Variants in COG4 observed in about 807,000 individuals in gnomAD.
COG4 encodes the protein component of oligomeric golgi complex 4.
In COG4, 65 loss-of-function variants were observed where a neutral mutation model predicts 95.1. The ratio of observed to expected loss-of-function variants is 0.68; its 90% CI spans 0.56 to 0.84. COG4 has a LOEUF of 0.84. COG4 is among the 40% of genes least tolerant of loss of function. COG4 has a pLI of 0.00. For synonymous variants in COG4, 421 were observed against 374.8 expected (o/e 1.12, Z -1.42); for missense variants, 1,045 against 989.1 (o/e 1.06, Z -0.76).
In COG4 at chr16:70,497,263, G is replaced by T; in HGVS notation, c.1439C>A (p.Ala480Asp). The T allele has an allele frequency of 6.2e-7, 1 of 1,614,122 alleles. No homozygotes were observed. Among genetic ancestry groups the T allele is most frequent in the Non-Finnish European group, 8.5e-7 (1 of 1,180,022 alleles). The change falls in exon 11 of 19, where the codon GCC becomes GAC. Residue 480 changes from alanine (A) to aspartate (D), a missense_variant. Transcript: ENST00000323786. ...LSSSSIDCLCAMINLATTELE... is the reference protein window; with the variant it reads ...LSSSSIDCLCDMINLATTELE... ...CTCTGTGGTGGCGAGGTTGATCATGGCACAGAGACAGTCAATGCTGGAGCT... is the reference window on the plus strand; with the variant it reads ...CTCTGTGGTGGCGAGGTTGATCATGTCACAGAGACAGTCAATGCTGGAGCT...
intron 4 of COG4, 30 bp from the exon 5 acceptor site, chr16:70,512,462 A>C (rs1288352405): frequency 2.5e-6 from 4 of 1,578,438 alleles, no homozygotes; most frequent in Non-Finnish European, 1.7e-6. Context: ...TGAAAATTCA[A>C]GTAAAGAATA....
At chr16:70,508,340 C>T in intron 8 of COG4, 66 bp downstream of exon 8, 1 of 1,324,418 alleles carries the variant, frequency 7.6e-7, no homozygotes, top group Non-Finnish European at 1.1e-6. Context: ...ACAGAGTAGT[C>T]TGAATTATAT....
chr16:70,503,840 C>T (rs1378558708), intron 8 of COG4, among the ~76,000 whole-genome samples: 4 of 122,808 alleles, frequency 3.3e-5, no homozygotes, highest in East Asian at 1.9e-4. Flanking sequence ...GTGATCCGCC[C>T]GCCTCGGCCT....
chr16:70,488,522 T>C (rs567341164), intron 13 of COG4, among the ~76,000 whole-genome samples: 12 of 152,060 alleles, frequency 7.9e-5, no homozygotes, highest in Non-Finnish European at 1.5e-4. Context: ...GGGTCCCAAG[T>C]AGCTGAGACT....
In COG4 at chr16:70,519,652, A is replaced by C; in HGVS notation, c.251T>G (p.Met84Arg). Residue 84 changes from methionine to arginine, a missense_variant, in exon 2 of 19, where the codon ATG (methionine) becomes AGG (arginine). Coordinates refer to ENST00000323786, the MANE Select transcript of COG4 (RefSeq NM_015386.3). ...TTGCTGAGATGCACAGACTCACCCC[A>C]TTCGGTGGAGAGTGACCATCTTACT... ...IESKMVTLHRMGPNLQLIEGD... is the reference protein window; with the variant it reads ...IESKMVTLHRRGPNLQLIEGD... 6.2e-7 allele frequency: 1 copy of C among 1,609,510 alleles called. No individual in the cohort carries two copies. Among genetic ancestry groups the C allele is most frequent in the Non-Finnish European group, 8.5e-7 (1 of 1,175,914 alleles).
chr16:70,482,511 G>C (rs1044649511), intron 15 of COG4: 1 of 625,710 alleles, frequency 1.6e-6, no homozygotes, highest in East Asian at 2.8e-5. Flanking sequence ...TCCAATAAGG[G>C]AATAAGTTAG....
At chr16:70,501,424 G>A (rs528995880) in intron 8 of COG4, 15 of 305,348 alleles carry the variant, frequency 4.9e-5, no homozygotes, top group Admixed American at 1.3e-4. Context: ...CTCGATCTCA[G>A]CTCCCTGCAA....
In COG4 at chr16:70,523,408, G is replaced by A; in HGVS notation, c.136C>T (p.Leu46=). ...LIRSLTELQE[L]EAVYERLCGE... ...CAGAGCCGTTCGTATACAGCCTCCA[G>A]CTCCTGCAGCTCTGTCAGGGAGCGA... The change falls in exon 1 of 19, where the codon CTG becomes TTG. Residue 46 remains leucine (L), a synonymous_variant. Transcript: ENST00000323786. 6.2e-7 allele frequency: 1 copy of A among 1,614,148 alleles called. No individual in the cohort carries two copies. The highest frequency in any genetic ancestry group is 1.1e-5 in the South Asian group (1 of 91,086).
intron 5 of COG4, among the ~76,000 whole-genome samples, chr16:70,510,810 C>T (rs1418508420): frequency 6.6e-6 from 1 of 150,786 alleles, no homozygotes; most frequent in Non-Finnish European, 1.5e-5. Flanking sequence ...GTCGCCCAGG[C>T]TGGAGTGCAG....
intron 7 of COG4, chr16:70,508,950 C>A: frequency 1.8e-6 from 1 of 546,880 alleles, no homozygotes. Context: ...CACTGTTGCA[C>A]ATTTTGTGAT....
intron 4 of COG4, 85 bp downstream of exon 4, chr16:70,514,250 G>A: frequency 1.6e-6 from 2 of 1,239,782 alleles, no homozygotes; most frequent in Non-Finnish European, 2.3e-6. Flanking sequence ...CCTAAAAACT[G>A]ATGTGTTTTT....
At chr16:70,514,915 T>C (rs868011775) in intron 3 of COG4, among the ~76,000 whole-genome samples, 1 of 151,918 alleles carries the variant, frequency 6.6e-6, no homozygotes, top group Non-Finnish European at 1.5e-5. Context: ...GTTTCATCAA[T>C]GTTTCCCAGG....
chr16:70,510,822 G>T (rs1190975397), intron 5 of COG4, among the ~76,000 whole-genome samples: 5 of 150,242 alleles, frequency 3.3e-5, no homozygotes, highest in South Asian at 4.2e-4. Context: ...GGAGTGCAGT[G>T]GCACAATCTT....
At chr16:70,495,375 G>C (rs916227584) in intron 12 of COG4, among the ~76,000 whole-genome samples, 4 of 135,740 alleles carry the variant, frequency 2.9e-5, no homozygotes, top group African/African-American at 1.2e-4. Flanking sequence ...CCAGCCTGGG[G>C]AACAAGAGCA....
At chr16:70,481,945 G>T in intron 16 of COG4, 80 bp from the exon 17 acceptor site, 1 of 1,416,008 alleles carries the variant, frequency 7.1e-7, no homozygotes, top group Non-Finnish European at 9.9e-7. Context: ...GGTGAGGATA[G>T]TAGCGTGAGG....
At chr16:70,523,264 C>T in intron 1 of COG4, 109 bp downstream of exon 1, 1 of 1,385,340 alleles carries the variant, frequency 7.2e-7, no homozygotes, top group Admixed American at 1.7e-5. Flanking sequence ...TGTTTTCCCG[C>T]TTTTTTGTAT....
chr16:70,501,080 G>C lies in COG4; in HGVS notation c.1073C>G (p.Pro358Arg). ...TEKIEPRELD[P>R]ILTEVTLMNA... ...CATCAGGGTGACCTCAGTCAGGATG[G>C]GGTCCAGTTCTCTGAGACACATGGA... The change falls in exon 9 of 19, where the codon CCC (proline) becomes CGC (arginine). Residue 358 changes from proline (P) to arginine (R), a missense_variant. Coordinates refer to ENST00000323786, the MANE Select transcript of COG4 (RefSeq NM_015386.3). 1 of 1,613,410 alleles carries C rather than the reference G, an allele frequency of 6.2e-7. No homozygotes were observed. Among genetic ancestry groups the C allele is most frequent in the Non-Finnish European group, 8.5e-7 (1 of 1,179,976 alleles).
chr16:70,487,505 G>A lies in COG4; in HGVS notation c.1710+2825C>T, dbSNP rs569709759. 7.9e-5 allele frequency among the ~76,000 whole-genome samples: 12 copies of A among 152,284 alleles called. No individual in the cohort carries two copies. In the East Asian group the frequency reaches 2.1e-3, roughly 27 times the overall value. ...CCAGCTACTCCAGAGCCTGAGGCAG[G>A]AGAATCACAGAAGTTGCAGTGAGCT... On this transcript the variant is annotated intron_variant, in intron 13 of 18. Coordinates refer to ENST00000323786, the MANE Select transcript of COG4 (RefSeq NM_015386.3).
At chr16:70,509,811 A>G (rs923988880) in intron 6 of COG4, 105 bp downstream of exon 6, 3 of 818,980 alleles carry the variant, frequency 3.7e-6, no homozygotes, top group Non-Finnish European at 6.2e-6. Flanking sequence ...ACAATAAACT[A>G]CATGATTAAA....
Sources: gnomAD v4.1 joint callset for allele counts (sites outside exome capture counted in the v4.1 genomes callset) on GRCh38, gnomAD v4.1.1 for gene constraint, MANE v1.5 for transcripts, NCBI Gene and HGNC (gene_info 2026-07-23, HGNC 2026-07-21) for gene names.